The following GOLGB1 variants were observed in gnomAD, a reference collection of about 807,000 sequenced individuals.
GOLGB1 encodes the protein golgin subfamily B member 1.
GOLGB1 carries 174 observed loss-of-function variants against 336.9 expected under a neutral mutation model. The observed-to-expected ratio is 0.52, with a 90% CI of 0.46 to 0.59. The LOEUF (loss-of-function observed/expected upper bound fraction) is 0.59, where lower values mean the gene tolerates loss of function less well. GOLGB1 is among the 20% of genes least tolerant of loss of function. The pLI, the probability that GOLGB1 is intolerant of heterozygous loss-of-function variation, is 0.00. For missense variants in GOLGB1, 3,331 were observed against 3,645.3 expected (o/e 0.91, Z 2.22); for synonymous variants, 1,208 against 1,289.2 (o/e 0.94, Z 1.35).
At chr3:121,731,354 T>G in intron 1 of GOLGB1, among the ~76,000 whole-genome samples, 1 of 152,032 alleles carries the variant, frequency 6.6e-6, no homozygotes, top group East Asian at 1.9e-4. Flanking sequence ...AACATGAATT[T>G]CTTTTTTCTT....
chr3:121,702,258 G>T (rs1277331804), intron 11 of GOLGB1, among the ~76,000 whole-genome samples: 1 of 152,124 alleles, frequency 6.6e-6, no homozygotes, highest in African/African-American at 2.4e-5. Flanking sequence ...AAGAAATCCT[G>T]CAGCATGTAT....
chr3:121,664,134 C>A lies in GOLGB1; in HGVS notation c.*346G>T. ...TTCAGATTATTAGGTTTATTGAAACCATCCTCTTGGCTTGGCTGAAAGACA... is the reference window on the plus strand; with the variant it reads ...TTCAGATTATTAGGTTTATTGAAACAATCCTCTTGGCTTGGCTGAAAGACA... On this transcript the variant is annotated 3_prime_UTR_variant, in exon 22 of 22. Coordinates refer to ENST00000614479, the MANE Select transcript of GOLGB1 (RefSeq NM_001366282.2). The A allele has an allele frequency of 8.3e-6, 2 of 240,762 alleles. No individual in the cohort carries two copies. The highest frequency in any genetic ancestry group is 9.6e-5 in the South Asian group (1 of 10,422). 14.9% of individuals were successfully genotyped at this position (240,762 alleles called of 1,614,324 possible). A position where few individuals can be genotyped will look rare whatever the true frequency, so the allele number is the denominator to read the frequency against.
rs147623356 is a variant in GOLGB1, at chr3:121,691,793, A to G, written c.7571T>C (p.Met2524Thr). 1.2e-5 allele frequency: 19 copies of G among 1,613,840 alleles called. No individual in the cohort carries two copies. The highest frequency in any genetic ancestry group is 4.4e-5 in the South Asian group (4 of 91,078). Residue 2524 changes from methionine (M) to threonine (T), a missense_variant, in exon 14 of 22, where the codon ATG becomes ACG. Met to Thr is a moderately conservative substitution (Grantham distance 81). Coordinates refer to ENST00000614479, the MANE Select transcript of GOLGB1 (RefSeq NM_001366282.2). ...GGCATTCTCAGAATTGAGATCATCC[A>G]TATGACTTCTCAAGCCTCGTATTTC... ...KEEIRGLRSH[M>T]DDLNSENAKL...
In GOLGB1 at chr3:121,677,018, T is replaced by C. The variant is rs374117268; in HGVS notation, c.9052A>G (p.Thr3018Ala). 1.2e-6 allele frequency: 2 copies of C among 1,614,048 alleles called. No individual in the cohort carries two copies. Among genetic ancestry groups the C allele is most frequent in the African/African-American group, 1.3e-5 (1 of 75,044 alleles). ...VQYQRQASPE[T>A]SASPDGSQNL... ...TGTGACCCATCTGGGGAAGCTGATG[T>C]CTCTGGGGATGCCTGCCAGGACACA... Residue 3018 changes from threonine (T) to alanine (A), a missense_variant, in exon 17 of 22, where the codon ACA (threonine) becomes GCA (alanine). Transcript: ENST00000614479.
At chr3:121,716,551 A>T (rs914445642) in intron 9 of GOLGB1, among the ~76,000 whole-genome samples, 186 bp downstream of exon 9, 5 of 152,238 alleles carry the variant, frequency 3.3e-5, no homozygotes, top group Non-Finnish European at 7.3e-5. Context: ...TTATAATATT[A>T]AGAAAGATTA....
At chr3:121,688,003 T>A (rs1176888481) in intron 14 of GOLGB1, among the ~76,000 whole-genome samples, 1 of 152,166 alleles carries the variant, frequency 6.6e-6, no homozygotes, top group Non-Finnish European at 1.5e-5. Context: ...AGAGGCTTTG[T>A]TCGGATTACA....
intron 1 of GOLGB1, among the ~76,000 whole-genome samples, chr3:121,745,477 C>A (rs1247662898): frequency 7.2e-6 from 1 of 139,152 alleles, no homozygotes; most frequent in Non-Finnish European, 1.5e-5. Flanking sequence ...CATATGTACA[C>A]GTGTATGTAT....
At chr3:121,688,610 C>A (rs1416507945) in intron 14 of GOLGB1, among the ~76,000 whole-genome samples, 5 of 152,196 alleles carry the variant, frequency 3.3e-5, no homozygotes, top group Non-Finnish European at 7.3e-5. Context: ...GCCGCCACCC[C>A]GTCTGGGAAG....
At chr3:121,727,256 T>C (rs1186175971) in intron 4 of GOLGB1, among the ~76,000 whole-genome samples, 1 of 125,404 alleles carries the variant, frequency 8.0e-6, no homozygotes, top group Non-Finnish European at 1.6e-5. Flanking sequence ...CTCCCTCACA[T>C]AATAGCTATA....
At chr3:121,742,527 C>G (rs2108407040) in intron 1 of GOLGB1, among the ~76,000 whole-genome samples, 1 of 152,176 alleles carries the variant, frequency 6.6e-6, no homozygotes, top group African/African-American at 2.4e-5. Context: ...AGAAGAAAAC[C>G]TAGGCAATAC....
Position 121,698,925 on chromosome 3 carries a change from C to T in GOLGB1, c.1598G>A (p.Ser533Asn), listed in dbSNP as rs769161798. The T allele has an allele frequency of 3.3e-5, 50 of 1,531,448 alleles. No homozygotes were observed. The East Asian group carries it at 1.0e-3, about 31-fold the overall frequency. 94.9% of individuals were successfully genotyped at this position (1,531,448 alleles called of 1,614,324 possible). A position where few individuals can be genotyped will look rare whatever the true frequency, so the allele number is the denominator to read the frequency against. Residue 533 changes from serine (S) to asparagine (N), a missense_variant, in exon 13 of 22, where the codon AGC (serine) becomes AAC (asparagine). By Grantham distance (46) the Ser-to-Asn change is conservative. Transcript: ENST00000614479. ...CCTCTTGTTGGCAATATCAACAATGCTGATCTATTTTTAAAAAAGAAAAAA... is the reference window on the plus strand; with the variant it reads ...CCTCTTGTTGGCAATATCAACAATGTTGATCTATTTTTAAAAAAGAAAAAA... The part of the protein sequence containing the change: ...GEADREVSEI[S>N]IVDIANKRSS...
At chr3:121,744,929 G>A (rs1465574906) in intron 1 of GOLGB1, among the ~76,000 whole-genome samples, 1 of 152,102 alleles carries the variant, frequency 6.6e-6, no homozygotes, top group Non-Finnish European at 1.5e-5. Context: ...ATAAGAAGCT[G>A]CATCATAGTG....
At chr3:121,685,557 A>G (rs996192627) in intron 14 of GOLGB1, among the ~76,000 whole-genome samples, 12 of 151,642 alleles carry the variant, frequency 7.9e-5, no homozygotes, top group African/African-American at 2.9e-4. Context: ...AAATAAATAA[A>G]TAAATAAATA....
At chr3:121,686,028 T>C (rs1941685620) in intron 14 of GOLGB1, among the ~76,000 whole-genome samples, 1 of 152,184 alleles carries the variant, frequency 6.6e-6, no homozygotes, top group South Asian at 2.1e-4. Flanking sequence ...GTGGTAGTTT[T>C]AGTGAACTGG....
rs114442031 is a variant in GOLGB1, at chr3:121,699,840, G to A, written c.1565C>T (p.Thr522Ile). 14 of 1,605,198 alleles carry A rather than the reference G, an allele frequency of 8.7e-6. No homozygotes were observed. The highest frequency in any genetic ancestry group is 1.2e-5 in the Non-Finnish European group (14 of 1,172,934). ...ACTGACTTCTCTGTCTGCCTCCCCA[G>A]TTCTATTCTGAGCCTCTAGGAGAGT... ...QITLLEAQNR[T>I]GEADREVSEI... Residue 522 changes from threonine (T) to isoleucine (I), a missense_variant, in exon 12 of 22, where the codon ACT becomes ATT. Transcript: ENST00000614479.
In GOLGB1 at chr3:121,729,234, C is replaced by T. The variant is rs1945896334; in HGVS notation, c.356G>A (p.Gly119Glu). ...KYIEEMKAQG[G>E]TVLPTEPQSE... Reference sequence around the variant, plus strand: ...CTGAGGTTCTGTAGGCAGAACAGTCCCTCCTTGTGCTTTCATTTCTTCTAT... The same window carrying T: ...CTGAGGTTCTGTAGGCAGAACAGTCTCTCCTTGTGCTTTCATTTCTTCTAT... The change falls in exon 4 of 22, where the codon GGG (glycine) becomes GAG (glutamate). Residue 119 changes from glycine (G) to glutamate (E), a missense_variant. By Grantham distance (98) the Gly-to-Glu change is moderately conservative. Coordinates refer to ENST00000614479, the MANE Select transcript of GOLGB1 (RefSeq NM_001366282.2). The T allele has an allele frequency of 6.2e-7, 1 of 1,612,550 alleles. No individual in the cohort carries two copies. The highest frequency in any genetic ancestry group is 8.5e-7 in the Non-Finnish European group (1 of 1,179,060).
chr3:121,715,204 C>CTT (rs1391088214), intron 9 of GOLGB1, among the ~76,000 whole-genome samples: 35 of 133,586 alleles, frequency 2.6e-4, no homozygotes, highest in Admixed American at 5.3e-4. Context: ...GGCCTAGGCA[C>CTT]TTTTTTTTTT....
chr3:121,727,460 G>C (rs1276751065), intron 4 of GOLGB1, among the ~76,000 whole-genome samples: 2 of 149,802 alleles, frequency 1.3e-5, no homozygotes, highest in African/African-American at 4.9e-5. Flanking sequence ...TGTGATAATT[G>C]GAAGAAATGG....
chr3:121,708,224 C>T, intron 10 of GOLGB1, among the ~76,000 whole-genome samples: 1 of 152,026 alleles, frequency 6.6e-6, no homozygotes, highest in Admixed American at 6.6e-5. Context: ...GAAAGCAGAT[C>T]AGTGGTTGTC....
Sources: gnomAD v4.1 joint callset for allele counts (sites outside exome capture counted in the v4.1 genomes callset) on GRCh38, gnomAD v4.1.1 for gene constraint, MANE v1.5 for transcripts, NCBI Gene and HGNC (gene_info 2026-07-23, HGNC 2026-07-21) for gene names.